Variants in SFRP4 observed in about 807,000 individuals in gnomAD.
SFRP4 encodes the protein secreted frizzled-related protein 4.
A neutral mutation model predicts 36.3 loss-of-function variants in SFRP4; 25 were observed. That is an observed-to-expected ratio of 0.69 (90% confidence interval 0.50 to 0.96). The LOEUF (loss-of-function observed/expected upper bound fraction) is 0.96, where lower values mean the gene tolerates loss of function less well. SFRP4 is among the 40% of genes least tolerant of loss of function. SFRP4 has a pLI of 0.00. For synonymous variants in SFRP4, 182 were observed against 168.8 expected, an observed-to-expected ratio of 1.08 and a Z score of -0.60; for missense variants, 487 against 459.6, an observed-to-expected ratio of 1.06 and a Z score of -0.54.
At position 37,916,241 on chromosome 7, in the gene SFRP4, C is replaced by G; in HGVS notation, c.297G>C (p.Ser99=). 1.2e-6 allele frequency: 2 copies of G among 1,614,166 alleles called. No individual in the cohort carries two copies. The highest frequency in any genetic ancestry group is 1.7e-6 in the Non-Finnish European group (2 of 1,180,034). Residue 99 remains serine (S), a synonymous_variant, in exon 1 of 6, where the codon TCG becomes TCC. Coordinates refer to ENST00000436072, the MANE Select transcript of SFRP4 (RefSeq NM_003014.4). The surrounding 1 kb of genome is among the most constrained non-coding windows in gnomAD (Gnocchi z 4.1). ...AGTCGTCGCGCGCGCGTTGGCACAC[C>G]GACTTGCACGGCTTGATAGGGTCGT... The part of the protein sequence containing the change: ...FLHDPIKPCK[S]VCQRARDDCE...
At chr7:37,914,866 A>G (rs28677956) in intron 1 of SFRP4, among the ~76,000 whole-genome samples, 32,803 of 152,160 alleles carry the variant, frequency 0.22, 3,702 homozygotes, top group Middle Eastern at 0.28. Context: ...CTCCATCTCA[A>G]AAAAAGAAAA....
chr7:37,914,272 C>T lies in SFRP4; in HGVS notation c.533G>A (p.Cys178Tyr). 6.2e-7 allele frequency: 1 copy of T among 1,614,090 alleles called. No homozygotes were observed. The highest frequency in any genetic ancestry group is 1.1e-5 in the South Asian group (1 of 91,072). ...VDCKRLSPDRCKCKKVKPTLA... is the reference protein window; with the variant it reads ...VDCKRLSPDRYKCKKVKPTLA... ...AGTTGGCTTCACCTTTTTACACTTG[C>T]ACCGATCTAAAAAAGGCAGAAGAGG... The change falls in exon 3 of 6, where the codon TGC becomes TAC. Residue 178 changes from cysteine (C) to tyrosine (Y), a missense_variant. Transcript: ENST00000436072.
rs760465419 is a variant in SFRP4 at position 37,906,557 on chromosome 7, A to C, written c.*922T>G. On this transcript the variant is annotated 3_prime_UTR_variant, in exon 6 of 6. Coordinates refer to ENST00000436072, the MANE Select transcript of SFRP4 (RefSeq NM_003014.4). ...TTAAATGAAGAAAACAAAATTTGGCACTCACATGAAGGCCATTTTTAAGCT... is the reference window on the plus strand; with the variant it reads ...TTAAATGAAGAAAACAAAATTTGGCCCTCACATGAAGGCCATTTTTAAGCT... 20 of 152,204 alleles carry C rather than the reference A, an allele frequency of 1.3e-4. No individual in the cohort carries two copies. The highest frequency in any genetic ancestry group is 2.6e-4 in the Non-Finnish European group (18 of 68,016). 9.4% of individuals were successfully genotyped at this position (152,204 alleles called of 1,614,324 possible). A position where few individuals can be genotyped will look rare whatever the true frequency, so the allele number is the denominator to read the frequency against.
Position 37,908,284 on chromosome 7 carries a change from T to C in SFRP4, c.856-620A>G, listed in dbSNP as rs1471213592. On this transcript the variant is annotated intron_variant, in intron 5 of 5. Transcript: ENST00000436072. Reference sequence around the variant, plus strand: ...TCTCTGATAGAAAAAAATTTATTCTTTAAATAGCTCAAGTAAGGAACAATA... The same window carrying C: ...TCTCTGATAGAAAAAAATTTATTCTCTAAATAGCTCAAGTAAGGAACAATA... 3.9e-5 allele frequency among the ~76,000 whole-genome samples: 6 copies of C among 152,342 alleles called. No homozygotes were observed. The East Asian group carries it at 1.2e-3, about 29-fold the overall frequency.
intron 3 of SFRP4, among the ~76,000 whole-genome samples, chr7:37,912,925 A>G (rs1489684603): frequency 6.6e-6 from 1 of 152,180 alleles, no homozygotes; most frequent in Non-Finnish European, 1.5e-5. Context: ...GTCTCTTGCT[A>G]TTACTGCCTC....
chr7:37,914,498 C>G (rs775113533), intron 1 of SFRP4, 45 bp from the exon 2 acceptor site: 19 of 1,379,822 alleles, frequency 1.4e-5, no homozygotes, highest in Non-Finnish European at 1.8e-5. Context: ...GTGATTTGGT[C>G]TGTTCACCCA....
chr7:37,915,863 A>G (rs1177456169), intron 1 of SFRP4, among the ~76,000 whole-genome samples: 1 of 131,266 alleles, frequency 7.6e-6, no homozygotes, highest in East Asian at 2.5e-4. Context: ...CTCCCTTTGT[A>G]AGCAAAATCT....
chr7:37,915,872 C>CT (rs11312178), intron 1 of SFRP4, among the ~76,000 whole-genome samples: 60 of 150,196 alleles, frequency 4.0e-4, no homozygotes, highest in Admixed American at 5.3e-4. Flanking sequence ...TAAGCAAAAT[C>CT]TTTTTTTTTT....
At chr7:37,915,770 A>C (rs1785563143) in intron 1 of SFRP4, among the ~76,000 whole-genome samples, 1 of 152,206 alleles carries the variant, frequency 6.6e-6, no homozygotes, top group South Asian at 2.1e-4. Flanking sequence ...TAATGTGTTT[A>C]ACACTTGCTC....
rs755909350 is a variant in SFRP4, at chr7:37,914,276, G to C, written c.529C>G (p.Arg177Gly). Residue 177 changes from arginine (R) to glycine (G), a missense_variant and splice_region_variant, in exon 3 of 6, where the codon CGG (arginine) becomes GGG (glycine). Transcript: ENST00000436072. Reference sequence around the variant, plus strand: ...GGCTTCACCTTTTTACACTTGCACCGATCTAAAAAAGGCAGAAGAGGCAGA... The same window carrying C: ...GGCTTCACCTTTTTACACTTGCACCCATCTAAAAAAGGCAGAAGAGGCAGA... Reference protein sequence around the residue: ...DVDCKRLSPDRCKCKKVKPTL... With the variant: ...DVDCKRLSPDGCKCKKVKPTL... 1.2e-6 allele frequency: 2 copies of C among 1,613,962 alleles called. No homozygotes were observed. Among genetic ancestry groups the C allele is most frequent in the East Asian group, 2.2e-5 (1 of 44,882 alleles).
rs148977083 is a variant in SFRP4, at chr7:37,907,025, A to G, written c.*454T>C. 8.6e-3 allele frequency: 1,321 copies of G among 152,740 alleles called. 9 individuals carry two copies. The highest frequency in any genetic ancestry group is 0.015 in the Non-Finnish European group (1,001 of 68,368). 9.5% of individuals were successfully genotyped at this position (152,740 alleles called of 1,614,324 possible). On this transcript the variant is annotated 3_prime_UTR_variant, in exon 6 of 6. Transcript: ENST00000436072. Reference sequence around the variant, plus strand: ...TCCACTACTGTTCCTTCTTAGAAGCATTATATTTTCGATCACATTTTAAAA... The same window carrying G: ...TCCACTACTGTTCCTTCTTAGAAGCGTTATATTTTCGATCACATTTTAAAA...
intron 1 of SFRP4, 95 bp from the exon 2 acceptor site, chr7:37,914,548 G>A (rs1382857582): frequency 5.6e-6 from 5 of 890,344 alleles, no homozygotes; most frequent in Non-Finnish European, 9.4e-6. Flanking sequence ...AACTAAAACA[G>A]TATCTCAAAA....
rs148000412 is a variant in SFRP4 at position 37,908,029 on chromosome 7, G to T, written c.856-365C>A. 2.0e-3 allele frequency among the ~76,000 whole-genome samples: 302 copies of T among 152,204 alleles called. 1 individual carries two copies. The highest frequency in any genetic ancestry group is 7.0e-3 in the African/African-American group (289 of 41,530). ...CTGAGGCCCTCACCCATGCACTTTT[G>T]ACCACTAGCCCCATAATGCAACATT... On this transcript the variant is annotated intron_variant, in intron 5 of 5. Transcript: ENST00000436072.
At chr7:37,908,379 T>G (rs1785431765) in intron 5 of SFRP4, among the ~76,000 whole-genome samples, 1 of 152,242 alleles carries the variant, frequency 6.6e-6, no homozygotes. Flanking sequence ...CTAGAGTCTA[T>G]TTCATTCAGC....
At chr7:37,914,143 G>T in intron 3 of SFRP4, 70 bp downstream of exon 3, 2 of 1,193,856 alleles carry the variant, frequency 1.7e-6, no homozygotes, top group South Asian at 1.3e-5. Context: ...TAGTGAGAGC[G>T]ACCTTATTGA....
rs1234877495 is a variant in SFRP4, at chr7:37,907,596, G to A, written c.924C>T (p.Thr308=). 1 of 1,613,610 alleles carries A rather than the reference G, an allele frequency of 6.2e-7. No homozygotes were observed. The highest frequency in any genetic ancestry group is 8.5e-7 in the Non-Finnish European group (1 of 1,179,818). ...VQDKKKTAGR[T]SRSNPPKPKG... The stretch of plus-strand genomic sequence containing the variant: ...TTGGTTTGGGGGGATTACTACGACT[G>A]GTGCGCCCGGCTGTTTTCTTCTTGT... The change falls in exon 6 of 6, where the codon ACC becomes ACT. Residue 308 remains threonine, a synonymous_variant. Coordinates refer to ENST00000436072, the MANE Select transcript of SFRP4 (RefSeq NM_003014.4).
At chr7:37,910,471 C>T (rs1370791907) in intron 4 of SFRP4, among the ~76,000 whole-genome samples, 2 of 151,444 alleles carry the variant, frequency 1.3e-5, no homozygotes, top group Middle Eastern at 3.6e-3. Context: ...TTTTATTTGC[C>T]TTTCTATCAT....
intron 5 of SFRP4, among the ~76,000 whole-genome samples, chr7:37,909,350 A>G (rs1168371164): frequency 1.3e-5 from 2 of 152,208 alleles, no homozygotes; most frequent in Non-Finnish European, 2.9e-5. Flanking sequence ...TAATAAAGAA[A>G]CAAAAGGCTC....
rs1785409278 is a variant in SFRP4, at chr7:37,907,203, CACACAGG to C, written c.*269_*275del. 3.2e-6 allele frequency: 1 copy of C among 309,586 alleles called. No individual in the cohort carries two copies. The highest frequency in any genetic ancestry group is 2.1e-5 in the African/African-American group (1 of 46,734). The allele number at this position is 309,586 out of a possible 1,614,324, so 19.2% of individuals were successfully genotyped here. ...ATTTTCCCTACTCTTCTAGAGTATG[CACACAGG>C]TTACTCTGAATGCAATGCAATAAGC... On this transcript the variant is annotated 3_prime_UTR_variant, in exon 6 of 6. Coordinates refer to ENST00000436072, the MANE Select transcript of SFRP4 (RefSeq NM_003014.4).
Sources: allele counts gnomAD v4.1 joint callset (sites outside exome capture counted in the v4.1 genomes callset), GRCh38; gene constraint gnomAD v4.1.1; non-coding constraint Gnocchi (gnomAD v3.1); transcripts MANE v1.5; gene names NCBI Gene and HGNC (gene_info 2026-07-23, HGNC 2026-07-21).